The following DNAAF1 variants were observed in gnomAD, a reference collection of about 807,000 sequenced individuals.
DNAAF1 encodes dynein assembly factor 1, axonemal.
DNAAF1 carries 65 observed loss-of-function variants against 71.1 expected under a neutral mutation model. The ratio of observed to expected loss-of-function variants is 0.91; its 90% CI spans 0.75 to 1.12. The LOEUF (loss-of-function observed/expected upper bound fraction) is 1.12, where lower values mean the gene tolerates loss of function less well. Among genes scored for constraint, DNAAF1 ranks in the 50% most tolerant of loss-of-function variants. DNAAF1 has a pLI of 0.00. For missense variants in DNAAF1, 1,178 were observed against 899.8 expected, an observed-to-expected ratio of 1.31 and a Z score of -3.96; for synonymous variants, 414 against 354.6, an observed-to-expected ratio of 1.17 and a Z score of -1.88.
intron 3 of DNAAF1, among the ~76,000 whole-genome samples, chr16:84,153,805 C>T (rs2087289448): frequency 6.6e-6 from 1 of 152,164 alleles, no homozygotes; most frequent in Non-Finnish European, 1.5e-5. Context: ...CCACAGTTTG[C>T]ACTAGGGTCA....
intron 4 of DNAAF1, among the ~76,000 whole-genome samples, chr16:84,155,136 C>T (rs768427282): frequency 7.2e-5 from 11 of 152,210 alleles, no homozygotes; most frequent in Non-Finnish European, 1.2e-4. Context: ...TCTCGATCTC[C>T]TGACCTCGTG....
intron 3 of DNAAF1, among the ~76,000 whole-genome samples, chr16:84,154,272 T>G (rs1266536045): frequency 6.6e-6 from 1 of 152,118 alleles, no homozygotes; most frequent in Non-Finnish European, 1.5e-5. Flanking sequence ...GGTGAGAGCT[T>G]GCTTTTTTAT....
intron 7 of DNAAF1, 29 bp downstream of exon 7, chr16:84,165,978 C>T (rs1393126780): frequency 1.2e-6 from 2 of 1,611,582 alleles, no homozygotes; most frequent in Non-Finnish European, 1.7e-6. Context: ...ACAACAGCCC[C>T]AGAGTTCCTT....
intron 4 of DNAAF1, among the ~76,000 whole-genome samples, chr16:84,155,149 C>T (rs2087364277): frequency 6.6e-6 from 1 of 152,192 alleles, no homozygotes; most frequent in South Asian, 2.1e-4. Context: ...ACCTCGTGAT[C>T]CGCCCGCCTT....
intron 11 of DNAAF1, chr16:84,177,382 T>C: frequency 2.8e-6 from 1 of 357,742 alleles, no homozygotes; most frequent in South Asian, 2.2e-5. Flanking sequence ...TTCAAGCAAT[T>C]CTCCTGCCTC....
chr16:84,171,161 C>G (rs1457641289), intron 8 of DNAAF1, among the ~76,000 whole-genome samples: 1 of 151,960 alleles, frequency 6.6e-6, no homozygotes, highest in African/African-American at 2.4e-5. Flanking sequence ...GCAGGCCTTG[C>G]GAGGTGGCTC....
intron 3 of DNAAF1, among the ~76,000 whole-genome samples, chr16:84,154,048 C>T (rs1302458812): frequency 6.6e-6 from 1 of 152,190 alleles, no homozygotes; most frequent in East Asian, 1.9e-4. Context: ...GCCAGAGAGC[C>T]GTTGGGTGAT....
chr16:84,159,172 C>T (rs2087583134), intron 5 of DNAAF1: 10 of 1,000,998 alleles, frequency 1.0e-5, no homozygotes, highest in African/African-American at 3.5e-5. Context: ...AGCTGTAAGC[C>T]GAGGAAGAAG....
chr16:84,166,376 T>C (rs891094627), intron 7 of DNAAF1, among the ~76,000 whole-genome samples: 4 of 117,026 alleles, frequency 3.4e-5, no homozygotes, highest in African/African-American at 9.3e-5. Flanking sequence ...TTTTCTTTTT[T>C]TTTTTTTTTT....
chr16:84,170,415 C>T (rs537326742), intron 8 of DNAAF1, 59 bp downstream of exon 8: 27 of 1,610,518 alleles, frequency 1.7e-5, no homozygotes, highest in East Asian at 2.2e-5. Context: ...CCCCAGCCTT[C>T]GACTCACGTC....
At chr16:84,151,755 T>C (rs1265263716) in intron 3 of DNAAF1, among the ~76,000 whole-genome samples, 1 of 152,180 alleles carries the variant, frequency 6.6e-6, no homozygotes, top group Non-Finnish European at 1.5e-5. Flanking sequence ...GTCTCACTCA[T>C]TCGATGGCTT....
At position 84,145,533 on chromosome 16, in the gene DNAAF1, C is replaced by G; in HGVS notation, c.93C>G (p.His31Gln). ...GCGTGGAGGAGTCTGCGGGTGACCA[C>G]GGGAGCGCAGGCCGAGGGGGCTGCA... ...EPGVEESAGDHGSAGRGGCKE... is the reference protein window; with the variant it reads ...EPGVEESAGDQGSAGRGGCKE... Residue 31 changes from histidine (H) to glutamine (Q), a missense_variant, in exon 1 of 12, where the codon CAC becomes CAG. Coordinates refer to ENST00000378553, the MANE Select transcript of DNAAF1 (RefSeq NM_178452.6). The G allele has an allele frequency of 6.4e-7, 1 of 1,553,198 alleles. No homozygotes were observed.
chr16:84,145,349 G>T lies in DNAAF1; in HGVS notation c.-92G>T. 6.5e-7 allele frequency: 1 copy of T among 1,534,028 alleles called. No individual in the cohort carries two copies. On this transcript the variant is annotated 5_prime_UTR_variant, in exon 1 of 12. Transcript: ENST00000378553. Reference sequence around the variant, plus strand: ...CAGCGGCTGGCGAAGAAGGAAAGAGGGTACTCTCTGGCTGGGCTGGGGCCG... The same window carrying T: ...CAGCGGCTGGCGAAGAAGGAAAGAGTGTACTCTCTGGCTGGGCTGGGGCCG...
chr16:84,150,786 G>A (rs1281560635), intron 3 of DNAAF1, among the ~76,000 whole-genome samples: 2 of 151,802 alleles, frequency 1.3e-5, no homozygotes, highest in African/African-American at 4.8e-5. Flanking sequence ...GCTAATTTTT[G>A]TATTTTTAGT....
intron 6 of DNAAF1, among the ~76,000 whole-genome samples, chr16:84,163,402 A>G (rs1411800312): frequency 7.3e-6 from 1 of 137,178 alleles, no homozygotes; most frequent in Non-Finnish European, 1.5e-5. Context: ...TTTTTTTAAG[A>G]TGGAGTCTTG....
chr16:84,171,584 A>AG (rs1385658310), intron 8 of DNAAF1, among the ~76,000 whole-genome samples: 3 of 152,170 alleles, frequency 2.0e-5, no homozygotes, highest in Non-Finnish European at 4.4e-5. Context: ...GTGCAGCAGG[A>AG]GGGGCGTGTG....
intron 6 of DNAAF1, among the ~76,000 whole-genome samples, chr16:84,165,101 T>C (rs747099471): frequency 2.6e-5 from 4 of 152,220 alleles, no homozygotes; most frequent in Non-Finnish European, 5.9e-5. Flanking sequence ...TTTTATTGCG[T>C]TGTTTCCTTA....
chr16:84,153,341 C>T (rs2087269173), intron 3 of DNAAF1, among the ~76,000 whole-genome samples: 1 of 152,172 alleles, frequency 6.6e-6, no homozygotes, highest in African/African-American at 2.4e-5. Context: ...ACATGGCACA[C>T]ATTTACCTAT....
intron 7 of DNAAF1, among the ~76,000 whole-genome samples, chr16:84,168,517 G>A (rs2088143393): frequency 6.6e-6 from 1 of 152,042 alleles, no homozygotes; most frequent in African/African-American, 2.4e-5. Context: ...GCCTCAAGCA[G>A]TCCTCCCGCC....
Sources: allele counts gnomAD v4.1 joint callset (sites outside exome capture counted in the v4.1 genomes callset), GRCh38; gene constraint gnomAD v4.1.1; transcripts MANE v1.5; gene names NCBI Gene and HGNC (gene_info 2026-07-23, HGNC 2026-07-21).